The following SEL1L variants were observed in gnomAD, a reference collection of about 807,000 sequenced individuals.
SEL1L encodes protein sel-1 homolog 1.
SEL1L carries 52 observed loss-of-function variants against 109.8 expected under a neutral mutation model. That is an observed-to-expected ratio of 0.47 (90% CI 0.38 to 0.60). SEL1L has a LOEUF of 0.60. Among genes scored for constraint, SEL1L ranks in the 20% least tolerant of loss-of-function variants. The probability of loss-of-function intolerance (pLI) is 0.00; values close to 1 mark genes in which losing one functional copy is unlikely to be tolerated. For synonymous variants in SEL1L, 373 were observed against 339.6 expected (o/e 1.10, Z -1.08); for missense variants, 749 against 962.2 (o/e 0.78, Z 2.93).
intron 11 of SEL1L, among the ~76,000 whole-genome samples, chr14:81,494,417 T>C (rs886800519): frequency 2.6e-5 from 4 of 152,234 alleles, no homozygotes; most frequent in African/African-American, 9.6e-5. Context: ...TCTAATTCAC[T>C]TTCTATACTG....
In SEL1L at chr14:81,508,729, C is replaced by T. The variant is rs572564880; in HGVS notation, c.341-2488G>A. 5.9e-5 allele frequency among the ~76,000 whole-genome samples: 9 copies of T among 152,172 alleles called. No individual in the cohort carries two copies. In the South Asian group the frequency reaches 1.9e-3, roughly 32 times the overall value. On this transcript the variant is annotated intron_variant, in intron 3 of 20. Transcript: ENST00000336735. ...CGTCTGTAGAACTGCAGTTTGTAAACCTGAATTTCAAATTAAATAGCAAAT... is the reference window on the plus strand; with the variant it reads ...CGTCTGTAGAACTGCAGTTTGTAAATCTGAATTTCAAATTAAATAGCAAAT...
intron 3 of SEL1L, among the ~76,000 whole-genome samples, chr14:81,515,001 A>G (rs1386010711): frequency 6.6e-6 from 1 of 152,192 alleles, no homozygotes; most frequent in Non-Finnish European, 1.5e-5. Flanking sequence ...ATCCACAACT[A>G]TGCAAAGCTT....
chr14:81,516,652 T>G (rs1206743969), intron 3 of SEL1L, among the ~76,000 whole-genome samples: 1 of 152,226 alleles, frequency 6.6e-6, no homozygotes. Flanking sequence ...CACGCAATAC[T>G]ACCCATTTTT....
At position 81,472,966 on chromosome 14, in the gene SEL1L, A is replaced by G. The variant is rs1444116519; in HGVS notation, c.*4006T>C. On this transcript the variant is annotated 3_prime_UTR_variant, in exon 21 of 21. Transcript: ENST00000336735. The stretch of plus-strand genomic sequence containing the variant: ...TTTCACAAGTTTCAAGATACAGTAC[A>G]AAACGATTCTGTACATCTCTCTATT... 1 of 166,192 alleles carries G rather than the reference A, an allele frequency of 6.0e-6. No homozygotes were observed. Among genetic ancestry groups the G allele is most frequent in the Non-Finnish European group, 1.3e-5 (1 of 76,216 alleles). The allele number at this position is 166,192 out of a possible 1,614,324, so 10.3% of individuals were successfully genotyped here.
At chr14:81,519,574 A>AT (rs1270597922) in intron 3 of SEL1L, among the ~76,000 whole-genome samples, 2 of 152,192 alleles carry the variant, frequency 1.3e-5, no homozygotes, top group Non-Finnish European at 2.9e-5. Context: ...AGAAGTTTGG[A>AT]TTTTACTTTG....
intron 2 of SEL1L, 45 bp from the exon 3 acceptor site, chr14:81,527,009 T>C: frequency 1.4e-6 from 2 of 1,397,756 alleles, no homozygotes; most frequent in Non-Finnish European, 1.0e-6. Flanking sequence ...GCCAAGACTT[T>C]CCCCAACCCT....
In SEL1L at chr14:81,487,717, T is replaced by G. The variant is rs1342756587; in HGVS notation, c.1483+138A>C. On this transcript the variant is annotated intron_variant, in intron 15 of 20. Transcript: ENST00000336735. ...ATATAATTTACAATGAAAAACAAGA[T>G]GTACAAATCATTGAACTGGGAGAAC... The G allele has an allele frequency of 3.3e-6, 5 of 1,503,110 alleles. No individual in the cohort carries two copies. The Admixed American group carries it at 1.3e-4, about 39-fold the overall frequency. The allele number at this position is 1,503,110 out of a possible 1,614,324, so 93.1% of individuals were successfully genotyped here.
chr14:81,527,700 C>T lies in SEL1L; in HGVS notation c.108+1G>A. On this transcript the variant is annotated splice_donor_variant, in intron 2 of 20. Coordinates refer to ENST00000336735, the MANE Select transcript of SEL1L (RefSeq NM_005065.6). LOFTEE classifies it high-confidence loss of function. ...TGGCCAATACACATTTTAGTACATA[C>T]CTTGGAATCTAAGGATTCATCCTGG... The T allele has an allele frequency of 6.2e-7, 1 of 1,600,374 alleles. No homozygotes were observed. Among genetic ancestry groups the T allele is most frequent in the Non-Finnish European group, 8.5e-7 (1 of 1,172,938 alleles).
At chr14:81,483,981 A>G (rs1903440201) in intron 19 of SEL1L, among the ~76,000 whole-genome samples, 1 of 152,236 alleles carries the variant, frequency 6.6e-6, no homozygotes, top group Non-Finnish European at 1.5e-5. Context: ...GAAGCACTGC[A>G]CTTCCATTTT....
At chr14:81,522,619 T>C (rs1884961381) in intron 3 of SEL1L, among the ~76,000 whole-genome samples, 1 of 152,178 alleles carries the variant, frequency 6.6e-6, no homozygotes, top group Non-Finnish European at 1.5e-5. Context: ...ACGATAAAAT[T>C]AACTAGTGAT....
intron 19 of SEL1L, among the ~76,000 whole-genome samples, chr14:81,480,379 C>T (rs954135364): frequency 6.6e-5 from 10 of 152,012 alleles, no homozygotes; most frequent in Non-Finnish European, 1.2e-4. Context: ...TTAGTAGAGA[C>T]GGGGTTTCAC....
chr14:81,489,385 C>T, intron 13 of SEL1L, 71 bp from the exon 14 acceptor site: 1 of 1,196,364 alleles, frequency 8.4e-7, no homozygotes, highest in Non-Finnish European at 1.2e-6. Context: ...TAAATAACTG[C>T]AAAATAAATC....
At chr14:81,481,756 C>T (rs111295327) in intron 19 of SEL1L, among the ~76,000 whole-genome samples, 12 of 152,160 alleles carry the variant, frequency 7.9e-5, no homozygotes, top group African/African-American at 2.4e-4. Context: ...AATGGGACCG[C>T]GTGCAGTGGC....
intron 16 of SEL1L, among the ~76,000 whole-genome samples, chr14:81,486,729 T>A (rs1484083357): frequency 1.3e-5 from 2 of 151,954 alleles, no homozygotes; most frequent in East Asian, 3.9e-4. Flanking sequence ...ATGATTTATG[T>A]ATATTACCAT....
chr14:81,504,178 G>C, intron 5 of SEL1L, 23 bp downstream of exon 5: 1 of 1,447,256 alleles, frequency 6.9e-7, no homozygotes, highest in Non-Finnish European at 9.4e-7. Context: ...TGGGGGAAAA[G>C]TGGACTTAGC....
At chr14:81,512,393 TGGCAGACAG>T (rs1007105338) in intron 3 of SEL1L, among the ~76,000 whole-genome samples, 2 of 152,222 alleles carry the variant, frequency 1.3e-5, no homozygotes, top group African/African-American at 4.8e-5. Flanking sequence ...TTCTTGTAGG[TGGCAGACAG>T]GGCAGACTGC....
intron 1 of SEL1L, among the ~76,000 whole-genome samples, 181 bp downstream of exon 1, chr14:81,533,493 TC>T (rs1885414744): frequency 6.6e-6 from 1 of 152,082 alleles, no homozygotes; most frequent in Non-Finnish European, 1.5e-5. Context: ...TCCACCCCAC[TC>T]CACCTTCCTA....
chr14:81,504,755 T>C (rs1357144235), intron 4 of SEL1L, among the ~76,000 whole-genome samples: 1 of 152,094 alleles, frequency 6.6e-6, no homozygotes, highest in African/African-American at 2.4e-5. Flanking sequence ...TGGTTTTTCA[T>C]GAATGGCTTA....
intron 11 of SEL1L, among the ~76,000 whole-genome samples, chr14:81,494,514 A>T (rs781769425): frequency 3.3e-5 from 5 of 152,318 alleles, no homozygotes; most frequent in South Asian, 4.1e-4. Flanking sequence ...GTGATCAGGC[A>T]CTGCTTAATC....
Sources: gnomAD v4.1 joint callset for allele counts (sites outside exome capture counted in the v4.1 genomes callset) on GRCh38, gnomAD v4.1.1 for gene constraint, MANE v1.5 for transcripts, NCBI Gene and HGNC (gene_info 2026-07-23, HGNC 2026-07-21) for gene names.